The following ALG1 variants were observed in gnomAD, a reference collection of about 807,000 sequenced individuals.
ALG1 encodes the protein ALG1 chitobiosyldiphosphodolichol beta-mannosyltransferase, also known as chitobiosyldiphosphodolichol beta-mannosyltransferase.
A neutral mutation model predicts 55.1 loss-of-function variants in ALG1; 58 were observed. The observed-to-expected ratio is 1.05, with a 90% CI of 0.85 to 1.31. The LOEUF (loss-of-function observed/expected upper bound fraction) is 1.31. ALG1 is among the 50% of genes most tolerant of loss of function. The pLI is 0.00. For missense variants in ALG1, 761 were observed against 598.6 expected, an observed-to-expected ratio of 1.27 and a Z score of -2.83; for synonymous variants, 309 against 247.0, an observed-to-expected ratio of 1.25 and a Z score of -2.35.
chr16:5,079,913 A>T, intron 9 of ALG1, 106 bp downstream of exon 9: 2 of 1,412,336 alleles, frequency 1.4e-6, no homozygotes, highest in Admixed American at 3.4e-5. Context: ...CTTAATCCTC[A>T]CTGCAGCTCT....
chr16:5,076,514 A>G (rs780164715), intron 4 of ALG1, among the ~76,000 whole-genome samples: 12 of 152,250 alleles, frequency 7.9e-5, no homozygotes, highest in Non-Finnish European at 1.8e-4. Flanking sequence ...GCTAAGTGTG[A>G]GGACCAAAAT....
At position 5,077,492 on chromosome 16, in the gene ALG1, C is replaced by T. The variant is rs1470668812; in HGVS notation, c.587C>T (p.Thr196Ile). Reference sequence around the variant, plus strand: ...CTGTCCCACCTGAACCTGTGTGTTACCAATGCTATGCGAGAAGACCTGGCG... The same window carrying T: ...CTGTCCCACCTGAACCTGTGTGTTATCAATGCTATGCGAGAAGACCTGGCG... Reference protein sequence around the residue: ...GRLSHLNLCVTNAMREDLADN... With the variant: ...GRLSHLNLCVINAMREDLADN... Residue 196 changes from threonine to isoleucine, a missense_variant, in exon 5 of 13, where the codon ACC becomes ATC. Physicochemically the swap from Thr to Ile is moderately conservative, Grantham distance 89. Transcript: ENST00000262374. The T allele has an allele frequency of 2.5e-6, 4 of 1,614,074 alleles. No homozygotes were observed. Among genetic ancestry groups the T allele is most frequent in the Non-Finnish European group, 3.4e-6 (4 of 1,180,054 alleles).
intron 6 of ALG1, 150 bp downstream of exon 6, chr16:5,078,167 T>A: frequency 1.1e-6 from 1 of 899,940 alleles, no homozygotes; most frequent in South Asian, 1.4e-5. Flanking sequence ...CAAGTTTCAC[T>A]GGGACACAAC....
chr16:5,072,939 C>G lies in ALG1; in HGVS notation c.209-12C>G, dbSNP rs777746888. ...CTTCTGGTACATTAAAGGGATCATT[C>G]TCATTTTTCAGACTCCAAACCCCAT... is the stretch of plus-strand genomic sequence containing the variant. On this transcript the variant is annotated splice_polypyrimidine_tract_variant and intron_variant, in intron 1 of 12. Transcript: ENST00000262374. 1 of 1,613,142 alleles carries G rather than the reference C, an allele frequency of 6.2e-7. No homozygotes were observed. Among genetic ancestry groups the G allele is most frequent in the Non-Finnish European group, 8.5e-7 (1 of 1,179,088 alleles).
intron 12 of ALG1, 112 bp from the exon 13 acceptor site, chr16:5,084,638 G>C: frequency 6.7e-7 from 1 of 1,502,160 alleles, no homozygotes; most frequent in Non-Finnish European, 9.1e-7. Context: ...GAGGGAGTTA[G>C]GGACTTGGGA....
At chr16:5,083,877 C>G in intron 12 of ALG1, 120 bp downstream of exon 12, 1 of 1,463,144 alleles carries the variant, frequency 6.8e-7, no homozygotes, top group South Asian at 1.2e-5. Context: ...GGCGGAAAAG[C>G]TAGGGAGGGA....
intron 6 of ALG1, chr16:5,078,478 C>G: frequency 2.5e-5 from 17 of 666,854 alleles, no homozygotes; most frequent in Non-Finnish European, 4.3e-5. Context: ...GGGAGGGCGT[C>G]CCTGCACCCT....
intron 11 of ALG1, 127 bp from the exon 12 acceptor site, chr16:5,083,555 A>C: frequency 6.5e-7 from 1 of 1,548,998 alleles, no homozygotes; most frequent in Admixed American, 1.9e-5. Flanking sequence ...GCTCCCGGAA[A>C]CCACACCCCC....
chr16:5,078,966 T>C (rs1009824791), intron 7 of ALG1, 88 bp downstream of exon 7: 102 of 1,595,228 alleles, frequency 6.4e-5, no homozygotes, highest in Non-Finnish European at 8.5e-5. Flanking sequence ...TCCTGCATGC[T>C]CCCACCCTGC....
rs764315666 is a variant in ALG1, at chr16:5,071,928, C to T, written c.79C>T (p.Arg27Cys). Reference sequence around the variant, plus strand: ...GCTGCTGGGAGGATGGAAGCGCTGGCGCCGGGGGCGGGCGGCCCGGCATGT... The same window carrying T: ...GCTGCTGGGAGGATGGAAGCGCTGGTGCCGGGGGCGGGCGGCCCGGCATGT... ...LLLLGGWKRW[R>C]RGRAARHVVA... is the part of the protein sequence containing the mutation. The change falls in exon 1 of 13, where the codon CGC becomes TGC. Residue 27 changes from arginine to cysteine, a missense_variant. Coordinates refer to ENST00000262374, the MANE Select transcript of ALG1 (RefSeq NM_019109.5). The T allele has an allele frequency of 6.3e-7, 1 of 1,591,508 alleles. No individual in the cohort carries two copies. Among genetic ancestry groups the T allele is most frequent in the Non-Finnish European group, 8.6e-7 (1 of 1,169,538 alleles).
intron 10 of ALG1, 104 bp downstream of exon 10, chr16:5,081,160 C>T: frequency 2.3e-6 from 3 of 1,304,674 alleles, no homozygotes; most frequent in Admixed American, 2.1e-5. Flanking sequence ...GGGACGGGAC[C>T]TGGGCTCTGG....
rs140626461 is a variant in ALG1 at position 5,073,250 on chromosome 16, T to C, written c.384T>C (p.Phe128=). 2.1e-4 allele frequency: 340 copies of C among 1,613,962 alleles called. 2 individuals carry two copies. In the East Asian group the frequency reaches 7.1e-3, roughly 34 times the overall value. Residue 128 remains phenylalanine, a synonymous_variant, in exon 3 of 13, where the codon TTT becomes TTC. Transcript: ENST00000262374. ...GGAGGGAGCCAGGTGCCTATATCTTTCTCCAGGTGTGTATCAGCCTCTGCC... is the reference window on the plus strand; with the variant it reads ...GGAGGGAGCCAGGTGCCTATATCTTCCTCCAGGTGTGTATCAGCCTCTGCC... The part of the protein sequence containing the change: ...LMWREPGAYI[F]LQNPPGLPSI...
Position 5,080,913 on chromosome 16 carries a change from G to T in ALG1, c.962-33G>T, listed in dbSNP as rs754882539. ...GGGCCACGTGGCAGGGACAGAGATG[G>T]GTCCATGGCAGTGTCTGCTCTTCTC... On this transcript the variant is annotated intron_variant, in intron 9 of 12. Coordinates refer to ENST00000262374, the MANE Select transcript of ALG1 (RefSeq NM_019109.5). The T allele has an allele frequency of 6.3e-6, 10 of 1,593,634 alleles. No homozygotes were observed. In the African/African-American group the frequency reaches 9.4e-5, roughly 15 times the overall value.
chr16:5,086,173 A>G lies in ALG1; in HGVS notation c.*1292A>G, dbSNP rs1488759990. ...CAACATGGTGAAATCCCATCTCTAC[A>G]AAAATACAGAAATTAGCCAGGCATG... On this transcript the variant is annotated 3_prime_UTR_variant, in exon 13 of 13. Coordinates refer to ENST00000262374, the MANE Select transcript of ALG1 (RefSeq NM_019109.5). 4.6e-5 allele frequency among the ~76,000 whole-genome samples: 7 copies of G among 152,074 alleles called. No individual in the cohort carries two copies. Among genetic ancestry groups the G allele is most frequent in the African/African-American group, 7.2e-5 (3 of 41,416 alleles).
intron 1 of ALG1, 104 bp downstream of exon 1, chr16:5,072,161 C>A: frequency 6.5e-7 from 1 of 1,538,372 alleles, no homozygotes; most frequent in African/African-American, 1.4e-5. Flanking sequence ...TAGTCGCCGC[C>A]TTTGGGCAGC....
In ALG1 at chr16:5,085,768, G is replaced by T. The variant is rs556914293; in HGVS notation, c.*887G>T. ...AGCACATGTGTTTGAGGATGGCGGT[G>T]TTTGGGGACAGGACATGAGGGTATT... is the stretch of plus-strand genomic sequence containing the variant. On this transcript the variant is annotated 3_prime_UTR_variant, in exon 13 of 13. Coordinates refer to ENST00000262374, the MANE Select transcript of ALG1 (RefSeq NM_019109.5). The T allele has an allele frequency of 6.0e-6, 9 of 1,505,634 alleles. No individual in the cohort carries two copies. The Admixed American group carries it at 1.5e-4, about 25-fold the overall frequency. 93.3% of individuals were successfully genotyped at this position (1,505,634 alleles called of 1,614,324 possible). A position where few individuals can be genotyped will look rare whatever the true frequency, so the allele number is the denominator to read the frequency against.
In ALG1 at chr16:5,078,824, G is replaced by A; in HGVS notation, c.808G>A (p.Val270Met). Residue 270 changes from valine (V) to methionine (M), a missense_variant, in exon 7 of 13, where the codon GTG (valine) becomes ATG (methionine). By Grantham distance (21) the Val-to-Met change is conservative (BLOSUM62 1). Coordinates refer to ENST00000262374, the MANE Select transcript of ALG1 (RefSeq NM_019109.5). ...GGAGCGGGATGCTGGGAGCGGGCTGGTGACGCGTCTCCGTGAGCGGCCAGC... is the reference window on the plus strand; with the variant it reads ...GGAGCGGGATGCTGGGAGCGGGCTGATGACGCGTCTCCGTGAGCGGCCAGC... ...FTERDAGSGL[V>M]TRLRERPALL... The A allele has an allele frequency of 6.2e-7, 1 of 1,612,412 alleles. No individual in the cohort carries two copies. Among genetic ancestry groups the A allele is most frequent in the Non-Finnish European group, 8.5e-7 (1 of 1,179,784 alleles).
rs993141076 is a variant in ALG1 at position 5,072,800 on chromosome 16, G to A, written c.209-151G>A. 1.4e-5 allele frequency: 11 copies of A among 807,274 alleles called. No individual in the cohort carries two copies. In the African/African-American group the frequency reaches 1.7e-4, roughly 12 times the overall value. The allele number at this position is 807,274 out of a possible 1,614,324, so 50.0% of individuals were successfully genotyped here. A position where few individuals can be genotyped will look rare whatever the true frequency, so the allele number is the denominator to read the frequency against. Reference sequence around the variant, plus strand: ...AGAGCAATCTGAACAAGAATTGGCCGCATTCTCTGTTCTGGCTAGTGAGGA... The same window carrying A: ...AGAGCAATCTGAACAAGAATTGGCCACATTCTCTGTTCTGGCTAGTGAGGA... On this transcript the variant is annotated intron_variant, in intron 1 of 12. Transcript: ENST00000262374.
chr16:5,080,964 A>G lies in ALG1; in HGVS notation c.980A>G (p.Glu327Gly). 2 of 1,596,182 alleles carry G rather than the reference A, an allele frequency of 1.3e-6. No homozygotes were observed. Among genetic ancestry groups the G allele is most frequent in the Non-Finnish European group, 1.7e-6 (2 of 1,179,714 alleles). The change falls in exon 10 of 13, where the codon GAG becomes GGG. Residue 327 changes from glutamate (E) to glycine (G), a missense_variant. Physicochemically the swap from Glu to Gly is moderately conservative, Grantham distance 98 (BLOSUM62 -2). Coordinates refer to ENST00000262374, the MANE Select transcript of ALG1 (RefSeq NM_019109.5). The part of the protein sequence containing the change: ...CVITGKGPLR[E>G]YYSRLIHQKH... The stretch of plus-strand genomic sequence containing the variant: ...TGTGAAGGCAAAGGGCCTCTGAGGG[A>G]GTATTATAGCCGCCTCATCCACCAG...
Sources: gnomAD v4.1 joint callset for allele counts (sites outside exome capture counted in the v4.1 genomes callset) on GRCh38, gnomAD v4.1.1 for gene constraint, MANE v1.5 for transcripts, NCBI Gene and HGNC (gene_info 2026-07-23, HGNC 2026-07-21) for gene names.